Variants in GPR108 observed in about 807,000 individuals in gnomAD.
GPR108 encodes protein GPR108.
GPR108 carries 60 observed loss-of-function variants against 74.3 expected under a neutral mutation model. The ratio of observed to expected loss-of-function variants is 0.81; its 90% confidence interval spans 0.66 to 1.00. The LOEUF (loss-of-function observed/expected upper bound fraction) is 1.00. GPR108 is among the 50% of genes least tolerant of loss of function. The pLI, the probability that GPR108 is intolerant of heterozygous loss-of-function variation, is 0.00. For missense variants in GPR108, 667 were observed against 703.3 expected (o/e 0.95, Z 0.58); for synonymous variants, 311 against 292.4 (o/e 1.06, Z -0.65).
chr19:6,730,971 A>G lies in GPR108; in HGVS notation c.1559+16T>C. 8.1e-7 allele frequency: 1 copy of G among 1,231,558 alleles called. No homozygotes were observed. Among genetic ancestry groups the G allele is most frequent in the Middle Eastern group, 2.4e-4 (1 of 4,166 alleles). 76.3% of individuals were successfully genotyped at this position (1,231,558 alleles called of 1,614,324 possible). On this transcript the variant is annotated intron_variant, in intron 17 of 17. Transcript: ENST00000264080. ...ACCCCCAGAGCCGCCGGCCCTGCCC[A>G]TGGTGCCCAGCTCACACTTGCTCCA...
chr19:6,730,523 C>A (rs995530377), intron 17 of GPR108, 139 bp from the exon 18 acceptor site: 23 of 694,714 alleles, frequency 3.3e-5, no homozygotes, highest in Non-Finnish European at 4.6e-5. Flanking sequence ...CAGACTCACC[C>A]AGGCTGCACC....
Position 6,730,254 on chromosome 19 carries a change from G to T in GPR108, c.*58C>A. 6.7e-7 allele frequency: 1 copy of T among 1,488,280 alleles called. No individual in the cohort carries two copies. Among genetic ancestry groups the T allele is most frequent in the South Asian group, 1.1e-5 (1 of 88,586 alleles). The allele number at this position is 1,488,280 out of a possible 1,614,324, so 92.2% of individuals were successfully genotyped here. On this transcript the variant is annotated 3_prime_UTR_variant, in exon 18 of 18. Coordinates refer to ENST00000264080, the MANE Select transcript of GPR108 (RefSeq NM_001080452.2). ...CCTCCCCACATACGCTGTGGAAGAA[G>T]GGCAGGAGTGAGAAATGCTGGGGGA...
chr19:6,737,437 C>G lies in GPR108; in HGVS notation c.120+20G>C, dbSNP rs2145506443. On this transcript the variant is annotated intron_variant, in intron 1 of 17. Transcript: ENST00000264080. ...CAAAGTTGCGCCACCGACCCCAGAC[C>G]CTCGCGCGGCGGGCCTCACCGTCAG... 6.3e-7 allele frequency: 1 copy of G among 1,586,036 alleles called. No homozygotes were observed. Among genetic ancestry groups the G allele is most frequent in the Non-Finnish European group, 8.5e-7 (1 of 1,174,846 alleles).
rs112241463 is a variant in GPR108 at position 6,733,371 on chromosome 19, G to A, written c.724-70C>T. 75 of 1,509,420 alleles carry A rather than the reference G, an allele frequency of 5.0e-5. 1 individual carries two copies. The Middle Eastern group carries it at 9.0e-4, about 18-fold the overall frequency. 93.5% of individuals were successfully genotyped at this position (1,509,420 alleles called of 1,614,324 possible). ...CCGCTGGCCTGGGAGAGCAGCGAGT[G>A]GGGGTCTCCAGCTCTCTCACTTTCT... is the stretch of plus-strand genomic sequence containing the variant. On this transcript the variant is annotated intron_variant, in intron 8 of 17. Coordinates refer to ENST00000264080, the MANE Select transcript of GPR108 (RefSeq NM_001080452.2).
intron 14 of GPR108, 40 bp from the exon 15 acceptor site, chr19:6,731,562 G>C: frequency 9.1e-7 from 1 of 1,097,976 alleles, no homozygotes; most frequent in Non-Finnish European, 1.3e-6. Context: ...GGGAGACTGA[G>C]GGTGGGAGGG....
At chr19:6,731,982 A>G in intron 13 of GPR108, 43 bp downstream of exon 13, 3 of 1,613,318 alleles carry the variant, frequency 1.9e-6, no homozygotes, top group Non-Finnish European at 2.5e-6. Context: ...GACATCGCCC[A>G]TGTGCACAGG....
intron 10 of GPR108, 98 bp downstream of exon 10, chr19:6,732,889 T>C: frequency 9.4e-7 from 1 of 1,065,656 alleles, no homozygotes; most frequent in Non-Finnish European, 1.4e-6. Context: ...AGCTGGCGGA[T>C]GGCCCTCCCA....
In GPR108 at chr19:6,733,608, T is replaced by A; in HGVS notation, c.685A>T (p.Asn229Tyr). 6.2e-7 allele frequency: 1 copy of A among 1,614,146 alleles called. No individual in the cohort carries two copies. ...QYSLNFHNCNNSVPGKEHPFD... is the reference protein window; with the variant it reads ...QYSLNFHNCNYSVPGKEHPFD... ...GGATGCTCCTTTCCTGGCACTGAATTGTTGCAGTTGTGGAAGTTCAGGCTG... is the reference window on the plus strand; with the variant it reads ...GGATGCTCCTTTCCTGGCACTGAATAGTTGCAGTTGTGGAAGTTCAGGCTG... The change falls in exon 8 of 18, where the codon AAT (asparagine) becomes TAT (tyrosine). Residue 229 changes from asparagine (N) to tyrosine (Y), a missense_variant. By Grantham distance (143) the Asn-to-Tyr change is moderately radical. Transcript: ENST00000264080.
At chr19:6,735,507 TA>T in intron 4 of GPR108, 114 bp downstream of exon 4, 3 of 872,118 alleles carry the variant, frequency 3.4e-6, no homozygotes, top group Non-Finnish European at 5.5e-6. Flanking sequence ...AACTAAAAAG[TA>T]AGTGGCTTTC....
chr19:6,733,184 T>G lies in GPR108; in HGVS notation c.841A>C (p.Ile281Leu), dbSNP rs772972950. The change falls in exon 9 of 18, where the codon ATC becomes CTC. Residue 281 changes from isoleucine (I) to leucine (L), a missense_variant. Ile to Leu is a conservative substitution (Grantham distance 5). Coordinates refer to ENST00000264080, the MANE Select transcript of GPR108 (RefSeq NM_001080452.2). ...FLAAGIFWVSILCRNTYSVFK... is the reference protein window; with the variant it reads ...FLAAGIFWVSLLCRNTYSVFK... ...GGGCATTACGTGTTCCTGCAGAGGA[T>G]GGACACCCAGAAGATGCCAGCGGCC... is the stretch of plus-strand genomic sequence containing the variant. 5.0e-6 allele frequency: 8 copies of G among 1,613,852 alleles called. No homozygotes were observed. Among genetic ancestry groups the G allele is most frequent in the Non-Finnish European group, 6.8e-6 (8 of 1,179,976 alleles).
In GPR108 at chr19:6,735,968, G is replaced by GGA. The variant is rs1344920186; in HGVS notation, c.241-12_241-11dup. On this transcript the variant is annotated splice_polypyrimidine_tract_variant and intron_variant, in intron 2 of 17. Transcript: ENST00000264080. ...TGAGACTGAACCCCACCTGGTGGGT[G>GGA]GAAAAAAAAAGGGGAGGGTGTGAGG... The GGA allele has an allele frequency of 1.3e-6, 2 of 1,599,198 alleles. No homozygotes were observed. The highest frequency in any genetic ancestry group is 1.7e-6 in the Non-Finnish European group (2 of 1,172,926).
intron 17 of GPR108, 120 bp downstream of exon 17, chr19:6,730,867 G>T: frequency 1.8e-6 from 2 of 1,127,112 alleles, no homozygotes; most frequent in African/African-American, 1.5e-5. Flanking sequence ...AGCAGGCTCT[G>T]CCCTAACACT....
rs1968485698 is a variant in GPR108, at chr19:6,733,064, T to C, written c.858-2A>G. The C allele has an allele frequency of 2.5e-6, 4 of 1,612,830 alleles. No homozygotes were observed. The highest frequency in any genetic ancestry group is 2.5e-6 in the Non-Finnish European group (3 of 1,179,670). ...CAGTGGATCTTGAAGACGCTGTACCTGGTGGGAGGGTCAGGGAGAGATGGG... is the reference window on the plus strand; with the variant it reads ...CAGTGGATCTTGAAGACGCTGTACCCGGTGGGAGGGTCAGGGAGAGATGGG... On this transcript the variant is annotated splice_acceptor_variant, in intron 9 of 17. Transcript: ENST00000264080. LOFTEE classifies it high-confidence loss of function.
chr19:6,730,971 A>T lies in GPR108; in HGVS notation c.1559+16T>A, dbSNP rs1317782357. The T allele has an allele frequency of 1.6e-6, 2 of 1,231,558 alleles. No homozygotes were observed. Among genetic ancestry groups the T allele is most frequent in the African/African-American group, 4.1e-5 (2 of 48,948 alleles). The allele number at this position is 1,231,558 out of a possible 1,614,324, so 76.3% of individuals were successfully genotyped here. On this transcript the variant is annotated intron_variant, in intron 17 of 17. Coordinates refer to ENST00000264080, the MANE Select transcript of GPR108 (RefSeq NM_001080452.2). ...ACCCCCAGAGCCGCCGGCCCTGCCC[A>T]TGGTGCCCAGCTCACACTTGCTCCA...
intron 1 of GPR108, 169 bp from the exon 2 acceptor site, chr19:6,736,880 G>T: frequency 1.1e-6 from 1 of 879,782 alleles, no homozygotes; most frequent in Non-Finnish European, 1.7e-6. Flanking sequence ...GCAGGGGAAG[G>T]GTGGTCCTGC....
Position 6,731,651 on chromosome 19 carries a change from G to A in GPR108, c.1301-129C>T, listed in dbSNP as rs1325831347. ...GTCCAGGAGCAGCAAGTCTCGAGGG[G>A]ACATTAGGTGGGGCAGAAAGGCGGA... On this transcript the variant is annotated intron_variant, in intron 14 of 17. Transcript: ENST00000264080. 4.5e-6 allele frequency: 4 copies of A among 889,280 alleles called. No individual in the cohort carries two copies. In the African/African-American group the frequency reaches 6.8e-5, roughly 15 times the overall value. 55.1% of individuals were successfully genotyped at this position (889,280 alleles called of 1,614,324 possible).
rs1568239823 is a variant in GPR108, at chr19:6,734,074, G to A, written c.500-20C>T. The stretch of plus-strand genomic sequence containing the variant: ...TCCCTCCTGTAAGAGACCGGGCAGT[G>A]ATTTTAAGAGATGGATGGATGGATA... On this transcript the variant is annotated intron_variant, in intron 5 of 17. Coordinates refer to ENST00000264080, the MANE Select transcript of GPR108 (RefSeq NM_001080452.2). 1 of 1,614,208 alleles carries A rather than the reference G, an allele frequency of 6.2e-7. No homozygotes were observed.
intron 4 of GPR108, chr19:6,735,272 T>C (rs1398119686): frequency 2.7e-5 from 5 of 188,252 alleles, no homozygotes; most frequent in Non-Finnish European, 5.5e-5. Context: ...GAATCCCAGT[T>C]CCTGGGACTC....
In GPR108 at chr19:6,730,143, G is replaced by C; in HGVS notation, c.*169C>G. 1 of 646,342 alleles carries C rather than the reference G, an allele frequency of 1.5e-6. No homozygotes were observed. Among genetic ancestry groups the C allele is most frequent in the South Asian group, 1.8e-5 (1 of 55,130 alleles). 40.0% of individuals were successfully genotyped at this position (646,342 alleles called of 1,614,324 possible). A position where few individuals can be genotyped will look rare whatever the true frequency, so the allele number is the denominator to read the frequency against. On this transcript the variant is annotated 3_prime_UTR_variant, in exon 18 of 18. Coordinates refer to ENST00000264080, the MANE Select transcript of GPR108 (RefSeq NM_001080452.2). ...GACAGGGCTGCCCAATATTTGGGGG[G>C]AGGAAGGGACTCTTCTTCCAAATGG...
Sources: gnomAD v4.1 joint callset for allele counts on GRCh38, gnomAD v4.1.1 for gene constraint, MANE v1.5 for transcripts, NCBI Gene and HGNC (gene_info 2026-07-23, HGNC 2026-07-21) for gene names.